ATXN1: variants seen among roughly 807,000 people sequenced by gnomAD.
ATXN1 encodes the protein ataxin-1.
ATXN1 carries 8 observed loss-of-function variants against 56.4 expected under a neutral mutation model. The ratio of observed to expected loss-of-function variants is 0.14; its 90% CI spans 0.08 to 0.26. The LOEUF (loss-of-function observed/expected upper bound fraction) is 0.26, where lower values mean the gene tolerates loss of function less well. Ranked by LOEUF, ATXN1 falls within the 10% of genes least tolerant of loss-of-function variation. The pLI, the probability that ATXN1 is intolerant of heterozygous loss-of-function variation, is 1.00. For missense variants in ATXN1, 987 were observed against 1,106.5 expected (o/e 0.89, Z 1.53); for synonymous variants, 514 against 494.6 (o/e 1.04, Z -0.52).
chr6:16,745,234 T>A (rs1403744847), intron 2 of ATXN1, among the ~76,000 whole-genome samples: 1 of 152,240 alleles, frequency 6.6e-6, no homozygotes, highest in East Asian at 1.9e-4. Context: ...AAGCTCCCTC[T>A]AACTTAGTAT....
intron 6 of ATXN1, among the ~76,000 whole-genome samples, chr6:16,364,481 T>C (rs776242195): frequency 1.3e-5 from 2 of 152,112 alleles, no homozygotes; most frequent in Non-Finnish European, 2.9e-5. Context: ...TTTTTTGTAT[T>C]TTTAGTAGAG....
At chr6:16,406,210 G>A (rs10949356) in intron 6 of ATXN1, among the ~76,000 whole-genome samples, 13,636 of 152,230 alleles carry the variant, frequency 0.09, 911 homozygotes, top group East Asian at 0.35. Flanking sequence ...AGTGGAACAT[G>A]TGAAGGAATG....
intron 3 of ATXN1, among the ~76,000 whole-genome samples, chr6:16,655,829 T>A (rs1758187043): frequency 6.6e-6 from 1 of 151,736 alleles, no homozygotes; most frequent in Non-Finnish European, 1.5e-5. Flanking sequence ...GTGGTTCACA[T>A]CTGTAATCCC....
intron 2 of ATXN1, among the ~76,000 whole-genome samples, chr6:16,748,513 G>A (rs1379929120): frequency 6.6e-6 from 1 of 152,166 alleles, no homozygotes; most frequent in Non-Finnish European, 1.5e-5. Context: ...CACCCTCTCT[G>A]TGCCACAGTT....
chr6:16,449,060 T>C (rs1397205647), intron 6 of ATXN1, among the ~76,000 whole-genome samples: 7 of 152,090 alleles, frequency 4.6e-5, no homozygotes, highest in Admixed American at 4.6e-4. Flanking sequence ...GCCAGGCTTG[T>C]GTAGATCTCA....
chr6:16,615,583 T>C (rs1763192809), intron 3 of ATXN1: 1 of 148,822 alleles, frequency 6.7e-6, no homozygotes, highest in African/African-American at 2.5e-5. Flanking sequence ...TAGACAAAAA[T>C]TATCATTATC....
intron 4 of ATXN1, among the ~76,000 whole-genome samples, chr6:16,538,553 G>C (rs1183472211): frequency 1.3e-5 from 2 of 151,850 alleles, no homozygotes; most frequent in African/African-American, 2.4e-5. Context: ...TTTAACATTA[G>C]GTATATCTCC....
intron 6 of ATXN1, among the ~76,000 whole-genome samples, chr6:16,383,900 C>T (rs1053559413): frequency 2.0e-5 from 3 of 152,156 alleles, no homozygotes; most frequent in Admixed American, 6.5e-5. Context: ...AGGAATTATC[C>T]GTGTAAAGAG....
At chr6:16,673,010 T>TC (rs1373365430) in intron 2 of ATXN1, among the ~76,000 whole-genome samples, 1,299 of 66,332 alleles carry the variant, frequency 0.02, 15 homozygotes, top group Middle Eastern at 0.15. Context: ...GAGACTCCGT[T>TC]CCCCCCCGCC....
intron 2 of ATXN1, chr6:16,738,354 A>G (rs1760209614): frequency 6.6e-6 from 1 of 152,240 alleles, no homozygotes; most frequent in Admixed American, 6.5e-5. Flanking sequence ...GGGCTGGTTG[A>G]CATGGCAAGA....
At chr6:16,414,090 G>A (rs892036642) in intron 6 of ATXN1, among the ~76,000 whole-genome samples, 6 of 152,130 alleles carry the variant, frequency 3.9e-5, no homozygotes, top group African/African-American at 9.7e-5. Flanking sequence ...AATGTGACAC[G>A]GCAGTGATTA....
At chr6:16,472,164 C>G (rs539458219) in intron 6 of ATXN1, among the ~76,000 whole-genome samples, 3 of 152,272 alleles carry the variant, frequency 2.0e-5, no homozygotes, top group Admixed American at 1.3e-4. Context: ...ATATGCACAC[C>G]TGCGTCTTCA....
At chr6:16,351,763 C>G (rs1761572496) in intron 6 of ATXN1, among the ~76,000 whole-genome samples, 1 of 152,172 alleles carries the variant, frequency 6.6e-6, no homozygotes, top group African/African-American at 2.4e-5. Context: ...AGAAGGGAAA[C>G]CAGGCCTCCT....
At chr6:16,540,519 A>G (rs1055091126) in intron 4 of ATXN1, among the ~76,000 whole-genome samples, 1 of 152,140 alleles carries the variant, frequency 6.6e-6, no homozygotes, top group South Asian at 2.1e-4. Flanking sequence ...GAACTGATTC[A>G]GCTCTCCCAA....
At chr6:16,309,196 C>A (rs1017891784) in intron 7 of ATXN1, among the ~76,000 whole-genome samples, 4 of 149,108 alleles carry the variant, frequency 2.7e-5, no homozygotes, top group Non-Finnish European at 5.9e-5. Context: ...AGACTGCACT[C>A]CAGCCTGGAC....
At chr6:16,755,634 A>G (rs540076314) in intron 1 of ATXN1, among the ~76,000 whole-genome samples, 2 of 152,168 alleles carry the variant, frequency 1.3e-5, no homozygotes, top group East Asian at 3.9e-4. Flanking sequence ...TAGATGCTAT[A>G]GGTTAGTAGC....
chr6:16,402,286 T>C (rs1187342702), intron 6 of ATXN1, among the ~76,000 whole-genome samples: 1 of 127,848 alleles, frequency 7.8e-6, no homozygotes, highest in African/African-American at 2.9e-5. Context: ...TTTTTGCTTC[T>C]AGTTCTAATG....
intron 6 of ATXN1, among the ~76,000 whole-genome samples, chr6:16,353,689 CAAAA>C (rs1761620068): frequency 1.3e-5 from 2 of 151,950 alleles, no homozygotes; most frequent in Admixed American, 6.6e-5. Context: ...AAGCAAAAAA[CAAAA>C]AACCACAATT....
chr6:16,549,758 A>T (rs1761881921), intron 4 of ATXN1, among the ~76,000 whole-genome samples: 1 of 152,044 alleles, frequency 6.6e-6, no homozygotes, highest in African/African-American at 2.4e-5. Context: ...TTAGCAGGGC[A>T]TGGAGGTGCA....
Sources: allele counts gnomAD v4.1 joint callset (sites outside exome capture counted in the v4.1 genomes callset), GRCh38; gene constraint gnomAD v4.1.1; transcripts MANE v1.5; gene names NCBI Gene and HGNC (gene_info 2026-07-23, HGNC 2026-07-21).